CARMIL1: variants seen among roughly 807,000 people sequenced by gnomAD.
CARMIL1 encodes F-actin-uncapping protein LRRC16A.
In CARMIL1, 90 loss-of-function variants were observed where a neutral mutation model predicts 177.1. The observed-to-expected ratio is 0.51, with a 90% CI of 0.43 to 0.61. The LOEUF (loss-of-function observed/expected upper bound fraction) is 0.61, where lower values mean the gene tolerates loss of function less well. Ranked by LOEUF, CARMIL1 falls within the 20% of genes least tolerant of loss-of-function variation. The pLI, the probability that CARMIL1 is intolerant of heterozygous loss-of-function variation, is 0.00. For synonymous variants in CARMIL1, 577 were observed against 606.2 expected (o/e 0.95, Z 0.71); for missense variants, 1,380 against 1,667.0 (o/e 0.83, Z 3.00).
chr6:25,433,249 G>GTGT (rs1161109155), intron 4 of CARMIL1: 22 of 152,146 alleles, frequency 1.4e-4, no homozygotes, highest in African/African-American at 5.1e-4. Flanking sequence ...AGATGATTAG[G>GTGT]TGTTAAGATT....
chr6:25,284,347 C>T (rs1354136532), intron 1 of CARMIL1, among the ~76,000 whole-genome samples: 3 of 152,128 alleles, frequency 2.0e-5, no homozygotes, highest in African/African-American at 4.8e-5. Context: ...ATATACAGTA[C>T]GAGGTACAAA....
At position 25,289,616 on chromosome 6, in the gene CARMIL1, C is replaced by T. The variant is rs561127654; in HGVS notation, c.138+4707C>T. Among the ~76,000 whole-genome samples, 12 of 152,334 alleles carry T rather than the reference C, an allele frequency of 7.9e-5. No individual in the cohort carries two copies. In the South Asian group the frequency reaches 2.5e-3, roughly 32 times the overall value. On this transcript the variant is annotated intron_variant, in intron 2 of 36. Coordinates refer to ENST00000329474, the MANE Select transcript of CARMIL1 (RefSeq NM_017640.6). ...GCCATACCTAGCATTCCCCACTTCT[C>T]TGATCCCTGGTAGCCACTAATCTGT... is the stretch of plus-strand genomic sequence containing the variant.
chr6:25,593,093 A>G (rs1814476124), intron 31 of CARMIL1, among the ~76,000 whole-genome samples: 1 of 152,174 alleles, frequency 6.6e-6, no homozygotes. Flanking sequence ...ACTCAAGAAG[A>G]TAAGATACAG....
intron 31 of CARMIL1, 118 bp downstream of exon 31, chr6:25,581,557 G>C (rs1229615158): frequency 1.1e-5 from 10 of 882,736 alleles, no homozygotes; most frequent in Non-Finnish European, 1.7e-5. Flanking sequence ...AAGGAGACTA[G>C]AACCTCTTTG....
At chr6:25,480,432 T>G (rs1801977052) in intron 11 of CARMIL1, among the ~76,000 whole-genome samples, 1 of 151,808 alleles carries the variant, frequency 6.6e-6, no homozygotes, top group Non-Finnish European at 1.5e-5. Flanking sequence ...TAGTAATGTT[T>G]CTTAAAATTT....
chr6:25,549,248 A>G (rs977766136), intron 26 of CARMIL1, among the ~76,000 whole-genome samples: 1 of 152,216 alleles, frequency 6.6e-6, no homozygotes, highest in Non-Finnish European at 1.5e-5. Context: ...TGTGAAGTTC[A>G]TTCAAACTGA....
At chr6:25,491,473 A>G (rs375857994) in intron 13 of CARMIL1, among the ~76,000 whole-genome samples, 1 of 152,234 alleles carries the variant, frequency 6.6e-6, no homozygotes, top group Non-Finnish European at 1.5e-5. Context: ...CAGGAAAACT[A>G]AGTCATGCAT....
chr6:25,485,797 T>A (rs534546911), intron 12 of CARMIL1, among the ~76,000 whole-genome samples: 1 of 152,324 alleles, frequency 6.6e-6, no homozygotes, highest in South Asian at 2.1e-4. Flanking sequence ...TTATTTATTT[T>A]TTTAAATTGA....
chr6:25,465,818 G>A (rs899732196), intron 8 of CARMIL1, 55 bp from the exon 9 acceptor site: 2 of 982,978 alleles, frequency 2.0e-6, no homozygotes, highest in African/African-American at 1.6e-5. Context: ...AAAATTAAGT[G>A]TCAGTGTAGC....
chr6:25,553,920 T>G (rs2072849), intron 27 of CARMIL1, 89 bp from the exon 28 acceptor site: 144,465 of 782,766 alleles, frequency 0.18, 15,407 homozygotes, highest in East Asian at 0.46. Context: ...GGAATCACAG[T>G]TGACCTTATC....
At chr6:25,285,472 G>A (rs2150129345) in intron 2 of CARMIL1, among the ~76,000 whole-genome samples, 1 of 152,332 alleles carries the variant, frequency 6.6e-6, no homozygotes, top group Non-Finnish European at 1.5e-5. Flanking sequence ...TAGTTTGTGA[G>A]AGGAGATGCT....
At chr6:25,547,737 A>C (rs1351471982) in intron 26 of CARMIL1, among the ~76,000 whole-genome samples, 3 of 152,106 alleles carry the variant, frequency 2.0e-5, no homozygotes, top group African/African-American at 7.2e-5. Flanking sequence ...ATTGCATATA[A>C]ATTTTTCTGG....
At chr6:25,535,860 G>A (rs940775360) in intron 24 of CARMIL1, among the ~76,000 whole-genome samples, 13 of 152,144 alleles carry the variant, frequency 8.5e-5, no homozygotes, top group African/African-American at 2.9e-4. Context: ...TCTAAATGTG[G>A]TCTGCTGAGC....
chr6:25,478,753 G>A (rs535368938), intron 11 of CARMIL1, among the ~76,000 whole-genome samples: 2 of 151,730 alleles, frequency 1.3e-5, no homozygotes, highest in Non-Finnish European at 2.9e-5. Context: ...CCGAGATCGC[G>A]CCTCTGCACT....
intron 29 of CARMIL1, among the ~76,000 whole-genome samples, chr6:25,579,278 C>CTTCA (rs1812906397): frequency 6.8e-6 from 1 of 146,670 alleles, no homozygotes; most frequent in South Asian, 2.1e-4. Context: ...AAAAAGACAT[C>CTTCA]TTCAGTCCAT....
In CARMIL1 at chr6:25,491,739, A is replaced by G. The variant is rs1196815045; in HGVS notation, c.1073A>G (p.Tyr358Cys). ...VLRGDDLSHM[Y>C]NFLAQPNAIV... ...CTTTTATTTTTTTTCAAGCACATGT[A>G]TAATTTTTTGGCCCAGCCAAATGCC... The change falls in exon 14 of 37, where the codon TAT (tyrosine) becomes TGT (cysteine). Residue 358 changes from tyrosine to cysteine, a missense_variant. Physicochemically the swap from Tyr to Cys is radical, Grantham distance 194. Coordinates refer to ENST00000329474, the MANE Select transcript of CARMIL1 (RefSeq NM_017640.6). The G allele has an allele frequency of 3.8e-6, 6 of 1,587,864 alleles. No homozygotes were observed. Among genetic ancestry groups the G allele is most frequent in the Non-Finnish European group, 5.2e-6 (6 of 1,164,540 alleles).
chr6:25,307,107 C>G (rs1290021293), intron 2 of CARMIL1, among the ~76,000 whole-genome samples: 12 of 152,270 alleles, frequency 7.9e-5, no homozygotes, highest in Non-Finnish European at 2.9e-5. Flanking sequence ...TCTCGAACTC[C>G]TGACCTCAGG....
At chr6:25,438,353 C>T (rs555265095) in intron 5 of CARMIL1, among the ~76,000 whole-genome samples, 4 of 152,238 alleles carry the variant, frequency 2.6e-5, no homozygotes, top group African/African-American at 7.2e-5. Context: ...TCCCTGCCCA[C>T]GTGGAACTTA....
intron 29 of CARMIL1, among the ~76,000 whole-genome samples, chr6:25,559,960 G>A (rs1044794837): frequency 6.6e-6 from 1 of 152,088 alleles, no homozygotes; most frequent in African/African-American, 2.4e-5. Context: ...AGGTTTAAGG[G>A]CATGTTATGT....
Sources: allele counts gnomAD v4.1 joint callset (sites outside exome capture counted in the v4.1 genomes callset), GRCh38; gene constraint gnomAD v4.1.1; transcripts MANE v1.5; gene names NCBI Gene and HGNC (gene_info 2026-07-23, HGNC 2026-07-21).